The following LYST variants were observed in gnomAD, a reference collection of about 807,000 sequenced individuals.
LYST encodes lysosomal trafficking regulator.
A neutral mutation model predicts 413.6 loss-of-function variants in LYST; 192 were observed. The observed-to-expected ratio is 0.46, with a 90% CI of 0.41 to 0.52. LYST has a LOEUF of 0.52. Among genes scored for constraint, LYST ranks in the 20% least tolerant of loss-of-function variants. The probability of loss-of-function intolerance (pLI) is 0.00; values close to 1 mark genes in which losing one functional copy is unlikely to be tolerated. For missense variants in LYST, 3,815 were observed against 4,499.9 expected (o/e 0.85, Z 4.35); for synonymous variants, 1,525 against 1,567.3 (o/e 0.97, Z 0.64).
In LYST at chr1:235,804,638, C is replaced by T; in HGVS notation, c.3421G>A (p.Glu1141Lys). 6.2e-7 allele frequency: 1 copy of T among 1,607,574 alleles called. No homozygotes were observed. The highest frequency in any genetic ancestry group is 8.5e-7 in the Non-Finnish European group (1 of 1,174,616). ...QNLSVESILF[E>K]MRDHLSQSKV... ...GACTGGGAAAGATGGTCCCTCATTT[C>T]AAATAATATACTTTCCACAGACAAG... is the stretch of plus-strand genomic sequence containing the variant. The change falls in exon 7 of 53, where the codon GAA becomes AAA. Residue 1141 changes from glutamate to lysine, a missense_variant. By Grantham distance (56) the Glu-to-Lys change is moderately conservative (BLOSUM62 1). Around this residue, in one of 4 missense-constraint regions of LYST, gnomAD observed 1,648 missense variants for 1,810.3 expected, o/e 0.91. Coordinates refer to ENST00000389793, the MANE Select transcript of LYST (RefSeq NM_000081.4).
At chr1:235,762,923 A>C (rs1373172730) in intron 21 of LYST, 72 bp from the exon 22 acceptor site, 1 of 1,120,846 alleles carries the variant, frequency 8.9e-7, no homozygotes, top group African/African-American at 1.5e-5. Context: ...CTTTAAAAGC[A>C]GATCATTAAA....
chr1:235,764,609 C>A (rs1201038769), intron 21 of LYST, among the ~76,000 whole-genome samples: 1 of 149,744 alleles, frequency 6.7e-6, no homozygotes, highest in Non-Finnish European at 1.5e-5. Flanking sequence ...AAGCCATTCT[C>A]CTGCCTCAGC....
Position 235,810,010 on chromosome 1 carries a change from T to C in LYST, c.808A>G (p.Lys270Glu), listed in dbSNP as rs1397999487. The C allele has an allele frequency of 1.2e-6, 2 of 1,613,852 alleles. No homozygotes were observed. The highest frequency in any genetic ancestry group is 1.7e-6 in the Non-Finnish European group (2 of 1,179,952). ...VLLSLLEKVC[K>E]FDVTLNHNSP... Reference sequence around the variant, plus strand: ...TTATGATTCAAGGTAACGTCAAACTTACAAACTTTTTCTAATAAAGATAAC... The same window carrying C: ...TTATGATTCAAGGTAACGTCAAACTCACAAACTTTTTCTAATAAAGATAAC... Residue 270 changes from lysine to glutamate, a missense_variant, in exon 5 of 53, where the codon AAG becomes GAG. Coordinates refer to ENST00000389793, the MANE Select transcript of LYST (RefSeq NM_000081.4).
At chr1:235,761,095 TA>T (rs1044669561) in intron 22 of LYST, among the ~76,000 whole-genome samples, 2 of 152,030 alleles carry the variant, frequency 1.3e-5, no homozygotes, top group African/African-American at 4.8e-5. Flanking sequence ...CTCATTTATT[TA>T]AAAAAAATTT....
At chr1:235,668,055 T>C (rs1658641255) in intron 50 of LYST, among the ~76,000 whole-genome samples, 1 of 152,116 alleles carries the variant, frequency 6.6e-6, no homozygotes, top group Non-Finnish European at 1.5e-5. Flanking sequence ...ATTGTTTGGA[T>C]AATAATAAGA....
At chr1:235,756,230 T>C (rs997890763) in intron 24 of LYST, among the ~76,000 whole-genome samples, 14 of 152,122 alleles carry the variant, frequency 9.2e-5, no homozygotes, top group East Asian at 1.9e-4. Context: ...ACAGTAGTGA[T>C]AGACTCCTTT....
Position 235,808,623 on chromosome 1 carries a change from T to A in LYST, c.2195A>T (p.Asn732Ile). 1 of 1,613,160 alleles carries A rather than the reference T, an allele frequency of 6.2e-7. No individual in the cohort carries two copies. The stretch of plus-strand genomic sequence containing the variant: ...TTGGAGCACAGGATTAAATATGTAA[T>A]TATATAATTTCCACTGAACAACTAT... ...GNIVVQWKLY[N>I]YIFNPVLQRG... The change falls in exon 5 of 53, where the codon AAT becomes ATT. Residue 732 changes from asparagine (N) to isoleucine (I), a missense_variant. Transcript: ENST00000389793.
intron 3 of LYST, among the ~76,000 whole-genome samples, chr1:235,821,246 GGGCAACAC>G (rs1674716154): frequency 6.6e-6 from 1 of 152,150 alleles, no homozygotes; most frequent in Non-Finnish European, 1.5e-5. Flanking sequence ...AAAACAGTCT[GGGCAACAC>G]GGTGAAACCC....
chr1:235,880,611 T>C (rs1488233266), intron 1 of LYST, among the ~76,000 whole-genome samples: 2 of 152,240 alleles, frequency 1.3e-5, no homozygotes, highest in African/African-American at 4.8e-5. Context: ...ACTTACTGTC[T>C]GTTTTTACCA....
chr1:235,738,128 C>T, intron 31 of LYST: 2 of 1,608,402 alleles, frequency 1.2e-6, no homozygotes, highest in Non-Finnish European at 1.7e-6. Flanking sequence ...TAATGAAGGA[C>T]TTGGCAGGCG....
intron 5 of LYST, among the ~76,000 whole-genome samples, chr1:235,808,108 C>T (rs886146676): frequency 2.6e-5 from 4 of 152,116 alleles, no homozygotes; most frequent in Admixed American, 1.3e-4. Context: ...GTTTCATCTA[C>T]GTTTTTCTCA....
intron 8 of LYST, among the ~76,000 whole-genome samples, chr1:235,801,326 C>A (rs898294538): frequency 1.3e-5 from 2 of 151,320 alleles, no homozygotes; most frequent in Non-Finnish European, 2.9e-5. Flanking sequence ...ACAAATTTTA[C>A]AAATAAGAAT....
chr1:235,805,240 TAGG>T (rs1429437639), intron 6 of LYST, among the ~76,000 whole-genome samples: 3 of 152,200 alleles, frequency 2.0e-5, no homozygotes, highest in African/African-American at 7.2e-5. Flanking sequence ...GATGTGGTTT[TAGG>T]AGAAGTCTCG....
intron 3 of LYST, among the ~76,000 whole-genome samples, chr1:235,821,909 C>A (rs905877600): frequency 6.6e-6 from 1 of 152,118 alleles, no homozygotes; most frequent in Non-Finnish European, 1.5e-5. Context: ...TTAGGTGGTG[C>A]CTAGTACACC....
chr1:235,699,029 T>A (rs537319605), intron 45 of LYST, among the ~76,000 whole-genome samples: 172 of 152,248 alleles, frequency 1.1e-3, no homozygotes, highest in African/African-American at 3.9e-3. Flanking sequence ...AAACTTCTAG[T>A]TTTTCAATGA....
intron 20 of LYST, 85 bp downstream of exon 20, chr1:235,770,075 G>T: frequency 3.1e-6 from 4 of 1,295,838 alleles, no homozygotes; most frequent in South Asian, 1.3e-5. Flanking sequence ...AAGTCCCATT[G>T]AAAGTGCCAC....
intron 44 of LYST, among the ~76,000 whole-genome samples, chr1:235,704,602 TG>T (rs1377614502): frequency 6.6e-6 from 1 of 152,228 alleles, no homozygotes. Context: ...TTAATGAGGT[TG>T]TTTTTTTCTT....
At chr1:235,770,850 C>G (rs180994534) in intron 19 of LYST, among the ~76,000 whole-genome samples, 1 of 152,138 alleles carries the variant, frequency 6.6e-6, no homozygotes, top group East Asian at 1.9e-4. Context: ...TAGTTAGCAT[C>G]CCTTGACAGT....
At position 235,810,117 on chromosome 1, in the gene LYST, T is replaced by C. The variant is rs1673304845; in HGVS notation, c.701A>G (p.Asn234Ser). Residue 234 changes from asparagine (N) to serine (S), a missense_variant, in exon 5 of 53, where the codon AAC becomes AGC. Transcript: ENST00000389793. ...AGCTGGCTCACTTAAAATGTCAGTG[T>C]TTGACCCCTGTCTTGGAATAATCTC... ...SREIIPRQGS[N>S]TDILSEPAAL... The C allele has an allele frequency of 6.2e-7, 1 of 1,614,180 alleles. No homozygotes were observed. The highest frequency in any genetic ancestry group is 8.5e-7 in the Non-Finnish European group (1 of 1,180,000).
Sources: gnomAD v4.1 joint callset for allele counts (sites outside exome capture counted in the v4.1 genomes callset) on GRCh38, gnomAD v4.1.1 for gene constraint, gnomAD v4.1.1 regional missense constraint, MANE v1.5 for transcripts, NCBI Gene and HGNC (gene_info 2026-07-23, HGNC 2026-07-21) for gene names.